The following C1orf54 variants were observed in gnomAD, a reference collection of about 807,000 sequenced individuals.
The protein encoded by C1orf54 is chromosome 1 open reading frame 54, also known as uncharacterized protein C1orf54.
C1orf54 carries 12 observed loss-of-function variants against 14.7 expected under a neutral mutation model. The ratio of observed to expected loss-of-function variants is 0.82; its 90% CI spans 0.52 to 1.32. The LOEUF is 1.32. Among genes scored for constraint, C1orf54 ranks in the 40% most tolerant of loss-of-function variants. The pLI is 0.00. For synonymous variants in C1orf54, 65 were observed against 56.3 expected (o/e 1.16, Z -0.70); for missense variants, 163 against 162.2 (o/e 1.00, Z -0.03).
upstream of C1orf54, chr1:150,272,732 TGGA>T (rs1652299280): frequency 4.3e-6 from 6 of 1,381,444 alleles, no homozygotes; most frequent in Admixed American, 3.4e-5. Context: ...TTCCCTGCTT[TGGA>T]GGAGGAGGGG....
Sources: gnomAD v4.1 joint callset for allele counts on GRCh38, gnomAD v4.1.1 for gene constraint, MANE v1.5 for transcripts, NCBI Gene and HGNC (gene_info 2026-07-23, HGNC 2026-07-21) for gene names.